DNPEP: variants seen among roughly 807,000 people sequenced by gnomAD.
DNPEP encodes aspartyl aminopeptidase.
Under a neutral mutation model 59.1 loss-of-function variants are expected in DNPEP, and 46 were observed. The observed-to-expected ratio is 0.78, with a 90% CI of 0.61 to 0.99. DNPEP has a LOEUF of 0.99. Ranked by LOEUF, DNPEP falls within the 50% of genes least tolerant of loss-of-function variation. DNPEP has a pLI of 0.00. For missense variants in DNPEP, 617 were observed against 649.9 expected (o/e 0.95, Z 0.55); for synonymous variants, 229 against 242.2 (o/e 0.95, Z 0.50).
chr2:219,387,449 T>C (rs1175977894), intron 1 of DNPEP: 5 of 1,432,676 alleles, frequency 3.5e-6, no homozygotes, highest in African/African-American at 1.4e-5. Context: ...AATCCTGTTC[T>C]GCTCCCAAAC....
chr2:219,374,300 C>G lies in DNPEP; in HGVS notation c.1450G>C (p.Val484Leu). 1 of 1,614,046 alleles carries G rather than the reference C, an allele frequency of 6.2e-7. No homozygotes were observed. The highest frequency in any genetic ancestry group is 8.5e-7 in the Non-Finnish European group (1 of 1,179,934). The change falls in exon 15 of 15, where the codon GTG becomes CTG. Residue 484 changes from valine to leucine, a missense_variant. Transcript: ENST00000273075. ...LFPSLSHNLL[V>L]D is the part of the protein sequence containing the mutation. ...AGTCTTTCCAAGAGGGCTCAATCCA[C>G]TAAGAGATTATGGCTTAGAGAAGGG... is the stretch of plus-strand genomic sequence containing the variant.
intron 8 of DNPEP, 169 bp from the exon 9 acceptor site, chr2:219,384,612 A>G: frequency 5.7e-6 from 3 of 526,430 alleles, no homozygotes; most frequent in Non-Finnish European, 1.0e-5. Flanking sequence ...CTTGTCGCCC[A>G]GTCTGAAGTG....
At chr2:219,391,417 C>T (rs912510662), upstream of DNPEP, among the ~76,000 whole-genome samples, 2 of 152,094 alleles carry the variant, frequency 1.3e-5, no homozygotes, top group East Asian at 1.9e-4. Context: ...GGAAGCATGC[C>T]ATTATGTAGA....
rs569759919 is a variant in DNPEP, at chr2:219,380,746, T to C, written c.1239+589A>G. ...GATGCCATTTCCCAGAATGTATCCC[T>C]GTTGTTAAGCAATGCATGACAGTAT... On this transcript the variant is annotated intron_variant, in intron 13 of 14. Transcript: ENST00000273075. 5.3e-5 allele frequency among the ~76,000 whole-genome samples: 8 copies of C among 151,284 alleles called. No individual in the cohort carries two copies. The South Asian group carries it at 1.7e-3, about 32-fold the overall frequency.
chr2:219,398,410 G>A (rs1289952282), intron 1 of DNPEP, among the ~76,000 whole-genome samples: 1 of 152,252 alleles, frequency 6.6e-6, no homozygotes, highest in African/African-American at 2.4e-5. Context: ...AGCACTCTGG[G>A]AGGCCAAGGC....
chr2:219,396,024 G>T (rs1041498504), intron 1 of DNPEP, among the ~76,000 whole-genome samples: 1 of 152,188 alleles, frequency 6.6e-6, no homozygotes, highest in African/African-American at 2.4e-5. Context: ...GGAACGAGTG[G>T]TTGCTAAATG....
In DNPEP at chr2:219,387,149, ACCG is replaced by A; in HGVS notation, c.48_50del (p.Gly17del). On this transcript the variant is annotated inframe_deletion, in exon 2 of 15. Transcript: ENST00000273075. ...TCTGCACCGCCTCTTTGCGGGCCTT[ACCG>A]TTCATGGCCACCTAGGGGAGGGGGA... 6.4e-7 allele frequency: 1 copy of A among 1,560,678 alleles called. No homozygotes were observed. Among genetic ancestry groups the A allele is most frequent in the Non-Finnish European group, 8.7e-7 (1 of 1,151,714 alleles).
At chr2:219,388,580 C>G (rs1226095249), upstream of DNPEP, 9 of 501,656 alleles carry the variant, frequency 1.8e-5, no homozygotes, top group Non-Finnish European at 2.3e-5. Flanking sequence ...ACCCACGCCG[C>G]GCGACCCGCA....
chr2:219,383,033 G>T, intron 10 of DNPEP, 98 bp downstream of exon 10: 1 of 1,107,910 alleles, frequency 9.0e-7, no homozygotes, highest in Non-Finnish European at 1.3e-6. Flanking sequence ...CTGTCTTGGG[G>T]CCCCCAGAAG....
At chr2:219,382,209 G>A (rs1158944589) in intron 10 of DNPEP, 70 bp from the exon 11 acceptor site, 1 of 1,538,450 alleles carries the variant, frequency 6.5e-7, no homozygotes, top group Non-Finnish European at 8.8e-7. Context: ...CAGTGAGAGG[G>A]GCCCATTGCC....
upstream of DNPEP, chr2:219,388,566 C>T (rs528225005): frequency 3.3e-4 from 118 of 353,340 alleles, no homozygotes; most frequent in African/African-American, 2.3e-3. Flanking sequence ...CCTGCACCCC[C>T]GTCACCCACG....
chr2:219,388,034 C>T (rs1254104281), upstream of DNPEP: 531 of 925,064 alleles, frequency 5.7e-4, 3 homozygotes, highest in African/African-American at 8.7e-3. Flanking sequence ...TCCGCTCCGC[C>T]CCTCGCTGGG....
intron 1 of DNPEP, chr2:219,399,580 G>T: frequency 1.6e-6 from 1 of 622,258 alleles, no homozygotes; most frequent in Non-Finnish European, 3.0e-6. Context: ...GCCGATGGGT[G>T]GGCTGCCCTT....
upstream of DNPEP, among the ~76,000 whole-genome samples, chr2:219,390,881 A>T (rs908404781): frequency 1.3e-5 from 2 of 152,200 alleles, no homozygotes; most frequent in Admixed American, 1.3e-4. Context: ...CTTTTTATTG[A>T]GCAGATTAAC....
chr2:219,399,990 G>A (rs780631002), exon 1 of DNPEP: 1,118 of 1,341,398 alleles, frequency 8.3e-4, no homozygotes, highest in Non-Finnish European at 1.0e-3. Flanking sequence ...CTTTTTTGCC[G>A]GATCCTTCCC....
In DNPEP at chr2:219,374,335, A is replaced by G. The variant is rs777333984; in HGVS notation, c.1415T>C (p.Phe472Ser). 1.7e-5 allele frequency: 27 copies of G among 1,613,968 alleles called. No individual in the cohort carries two copies. Among genetic ancestry groups the G allele is most frequent in the African/African-American group, 2.7e-5 (2 of 74,928 alleles). ...LQTLTLFKGF[F>S]ELFPSLSHNL... ...ATGGCTTAGAGAAGGGAACAGCTCA[A>G]AGAAGCCCTATAATGGGAGGCAACA... Residue 472 changes from phenylalanine to serine, a missense_variant, in exon 15 of 15, where the codon TTT (phenylalanine) becomes TCT (serine). Phe to Ser is a radical substitution (Grantham distance 155, BLOSUM62 -2). Transcript: ENST00000273075.
rs1953826442 is a variant in DNPEP, at chr2:219,386,272, A to G, written c.459+14T>C. On this transcript the variant is annotated intron_variant, in intron 5 of 14. Coordinates refer to ENST00000273075, the MANE Select transcript of DNPEP (RefSeq NM_012100.4). Reference sequence around the variant, plus strand: ...TTCTGAGGAGGCTCCGCCATCCCCAACCTCGGTTCCCACCTTGACAATGAC... The same window carrying G: ...TTCTGAGGAGGCTCCGCCATCCCCAGCCTCGGTTCCCACCTTGACAATGAC... 2 of 1,614,134 alleles carry G rather than the reference A, an allele frequency of 1.2e-6. No individual in the cohort carries two copies. Among genetic ancestry groups the G allele is most frequent in the African/African-American group, 1.3e-5 (1 of 75,038 alleles).
chr2:219,380,284 C>T (rs552078628), intron 13 of DNPEP, among the ~76,000 whole-genome samples: 75 of 148,410 alleles, frequency 5.1e-4, no homozygotes, highest in Non-Finnish European at 8.9e-4. Flanking sequence ...GGCACGATCT[C>T]GGCTCACTGC....
At chr2:219,394,245 A>G (rs892078411) in intron 1 of DNPEP, among the ~76,000 whole-genome samples, 1 of 152,148 alleles carries the variant, frequency 6.6e-6, no homozygotes, top group African/African-American at 2.4e-5. Flanking sequence ...AGCAACCTCC[A>G]CAATGCTGAA....
Sources: allele counts gnomAD v4.1 joint callset (sites outside exome capture counted in the v4.1 genomes callset), GRCh38; gene constraint gnomAD v4.1.1; transcripts MANE v1.5; gene names NCBI Gene and HGNC (gene_info 2026-07-23, HGNC 2026-07-21).